Variants in QTMAN observed in about 807,000 individuals in gnomAD.
QTMAN encodes queuosine-tRNA mannosyltransferase.
chr2:144,102,614 G>A, the QTMAN span, among the ~76,000 whole-genome samples: 28 of 152,284 alleles, frequency 1.8e-4, no homozygotes, highest in Non-Finnish European at 3.4e-4. Flanking sequence ...TGTTGGATAT[G>A]CTGGCTTCCA....
the QTMAN span, among the ~76,000 whole-genome samples, chr2:144,325,526 A>C: frequency 3.3e-5 from 5 of 152,268 alleles, no homozygotes; most frequent in East Asian, 9.6e-4. Flanking sequence ...GAAAAAAAAA[A>C]AATCAAGATT....
At chr2:144,322,524 T>C in the QTMAN span, among the ~76,000 whole-genome samples, 3 of 152,192 alleles carry the variant, frequency 2.0e-5, no homozygotes, top group Admixed American at 6.5e-5. Context: ...CCTAGCTTAA[T>C]AGAAAACAGC....
the QTMAN span, among the ~76,000 whole-genome samples, chr2:144,105,651 G>A: frequency 6.6e-6 from 1 of 152,204 alleles, no homozygotes; most frequent in African/African-American, 2.4e-5. Flanking sequence ...AAGTGACAGG[G>A]AGAATGGAAC....
At chr2:144,005,065 C>T in the QTMAN span, among the ~76,000 whole-genome samples, 2 of 151,946 alleles carry the variant, frequency 1.3e-5, no homozygotes, top group Non-Finnish European at 2.9e-5. Flanking sequence ...CTATCAGACG[C>T]GGGCCAGAGA....
At chr2:144,028,551 A>G in the QTMAN span, among the ~76,000 whole-genome samples, 1 of 152,220 alleles carries the variant, frequency 6.6e-6, no homozygotes, top group Non-Finnish European at 1.5e-5. Context: ...AGCCACATGC[A>G]AGAGAACACA....
the QTMAN span, chr2:143,944,208 C>T: frequency 1.3e-5 from 2 of 151,838 alleles, no homozygotes; most frequent in African/African-American, 2.4e-5. Flanking sequence ...TCCACTAGGT[C>T]GTGGGTGTTG....
At chr2:144,298,162 G>A in the QTMAN span, among the ~76,000 whole-genome samples, 4 of 151,608 alleles carry the variant, frequency 2.6e-5, no homozygotes, top group Admixed American at 6.6e-5. Flanking sequence ...GGGACTACAG[G>A]CGCCTGCCAC....
the QTMAN span, among the ~76,000 whole-genome samples, chr2:144,231,545 T>C: frequency 1.3e-5 from 2 of 152,142 alleles, no homozygotes; most frequent in Non-Finnish European, 2.9e-5. Context: ...ATTAAAACTA[T>C]ACAATTTATT....
At chr2:144,060,930 T>C in the QTMAN span, among the ~76,000 whole-genome samples, 2 of 152,174 alleles carry the variant, frequency 1.3e-5, no homozygotes, top group Non-Finnish European at 2.9e-5. Flanking sequence ...TTAATAATGG[T>C]CTGAACTAAC....
At chr2:143,971,505 T>C in the QTMAN span, among the ~76,000 whole-genome samples, 15 of 152,144 alleles carry the variant, frequency 9.9e-5, no homozygotes, top group Non-Finnish European at 1.5e-4. Flanking sequence ...TTGTAAATGA[T>C]AGAATGAGAG....
At chr2:144,298,418 T>C in the QTMAN span, among the ~76,000 whole-genome samples, 1 of 152,194 alleles carries the variant, frequency 6.6e-6, no homozygotes, top group South Asian at 2.1e-4. Context: ...ATAAATACAA[T>C]ATATACCGTG....
the QTMAN span, among the ~76,000 whole-genome samples, chr2:144,083,032 G>A: frequency 6.6e-6 from 1 of 152,094 alleles, no homozygotes; most frequent in Non-Finnish European, 1.5e-5. Flanking sequence ...CCTCTCTAGA[G>A]GCCGGCAGTT....
the QTMAN span, among the ~76,000 whole-genome samples, chr2:144,004,686 G>A: frequency 6.6e-6 from 1 of 151,918 alleles, no homozygotes; most frequent in Non-Finnish European, 1.5e-5. Flanking sequence ...CCTAGACCCA[G>A]TGGCATTTGA....
At chr2:144,312,143 T>C in the QTMAN span, among the ~76,000 whole-genome samples, 3 of 152,026 alleles carry the variant, frequency 2.0e-5, no homozygotes, top group Non-Finnish European at 2.9e-5. Flanking sequence ...AAGGTGACCC[T>C]TCCATCTTTC....
chr2:144,330,049 G>C, the QTMAN span, among the ~76,000 whole-genome samples: 1 of 152,158 alleles, frequency 6.6e-6, no homozygotes, highest in African/African-American at 2.4e-5. Context: ...AAGAACTTCA[G>C]GACTCATGCA....
At chr2:144,079,107 C>A in the QTMAN span, among the ~76,000 whole-genome samples, 3 of 152,200 alleles carry the variant, frequency 2.0e-5, no homozygotes, top group East Asian at 5.8e-4. Context: ...AACTAGCAAA[C>A]CTCATTGACC....
chr2:144,284,791 A>G, the QTMAN span, among the ~76,000 whole-genome samples: 1 of 152,182 alleles, frequency 6.6e-6, no homozygotes, highest in Non-Finnish European at 1.5e-5. Context: ...CCAACACTTT[A>G]GGACGCCGTG....
chr2:144,256,683 C>G, the QTMAN span, among the ~76,000 whole-genome samples: 1 of 151,970 alleles, frequency 6.6e-6, no homozygotes, highest in Admixed American at 6.6e-5. Flanking sequence ...GGGAACATCA[C>G]ACACAGGGGC....
the QTMAN span, among the ~76,000 whole-genome samples, chr2:144,026,666 T>C: frequency 6.6e-6 from 1 of 152,164 alleles, no homozygotes; most frequent in Non-Finnish European, 1.5e-5. Flanking sequence ...ATGATTCACT[T>C]AACATCTCTG....
Sources: allele counts gnomAD v4.1 joint callset (sites outside exome capture counted in the v4.1 genomes callset), GRCh38; gene constraint gnomAD v4.1.1; transcripts MANE v1.5; gene names NCBI Gene and HGNC (gene_info 2026-07-23, HGNC 2026-07-21).